Variants in ABLIM3 observed in about 807,000 individuals in gnomAD.
ABLIM3 encodes the protein actin binding LIM protein family member 3.
In ABLIM3, 61 loss-of-function variants were observed where a neutral mutation model predicts 109.5. The ratio of observed to expected loss-of-function variants is 0.56; its 90% CI spans 0.45 to 0.69. The LOEUF is 0.69. ABLIM3 is among the 30% of genes least tolerant of loss of function. ABLIM3 has a pLI of 0.00. For synonymous variants in ABLIM3, 300 were observed against 324.8 expected (o/e 0.92, Z 0.82); for missense variants, 796 against 889.5 (o/e 0.89, Z 1.34).
At chr5:149,219,623 G>C (rs1191143393) in intron 8 of ABLIM3, 1 of 152,172 alleles carries the variant, frequency 6.6e-6, no homozygotes, top group African/African-American at 2.4e-5. Context: ...GGCCCTGCCT[G>C]ATATTCAGGT....
chr5:149,195,689 C>T (rs543757640), intron 3 of ABLIM3, among the ~76,000 whole-genome samples: 36 of 152,310 alleles, frequency 2.4e-4, no homozygotes, highest in East Asian at 1.9e-3. Flanking sequence ...TAATTGATTC[C>T]GCAGCCATGA....
In ABLIM3 at chr5:149,233,164, T is replaced by A. The variant is rs566816460; in HGVS notation, c.817-65T>A. The A allele has an allele frequency of 5.5e-6, 8 of 1,445,830 alleles. No individual in the cohort carries two copies. In the East Asian group the frequency reaches 1.8e-4, roughly 33 times the overall value. 89.6% of individuals were successfully genotyped at this position (1,445,830 alleles called of 1,614,324 possible). A position where few individuals can be genotyped will look rare whatever the true frequency, so the allele number is the denominator to read the frequency against. ...CTAATGTTGCATTCTTAACCCCCTG[T>A]CTCACCCTCCCCACCAAGCTCAGGT... On this transcript the variant is annotated intron_variant, in intron 9 of 23. Coordinates refer to ENST00000309868, the MANE Select transcript of ABLIM3 (RefSeq NM_014945.5).
At chr5:149,147,611 T>C (rs1003575799) in intron 2 of ABLIM3, among the ~76,000 whole-genome samples, 6 of 152,190 alleles carry the variant, frequency 3.9e-5, no homozygotes, top group African/African-American at 1.4e-4. Context: ...TTCAAACCTA[T>C]GTTGTTCAAG....
intron 3 of ABLIM3, among the ~76,000 whole-genome samples, chr5:149,196,137 C>G (rs940668135): frequency 6.6e-6 from 1 of 152,128 alleles, no homozygotes; most frequent in Non-Finnish European, 1.5e-5. Context: ...CTCCCACTGT[C>G]CTGAGCTGTT....
At chr5:149,173,966 G>T (rs1441388888) in intron 2 of ABLIM3, among the ~76,000 whole-genome samples, 1 of 147,190 alleles carries the variant, frequency 6.8e-6, no homozygotes, top group Non-Finnish European at 1.5e-5. Context: ...AGCTTGCAGT[G>T]AGCCGAGATC....
chr5:149,230,694 A>C lies in ABLIM3; in HGVS notation c.803A>C (p.Glu268Ala). 2 of 1,614,076 alleles carry C rather than the reference A, an allele frequency of 1.2e-6. No homozygotes were observed. The highest frequency in any genetic ancestry group is 2.2e-5 in the East Asian group (1 of 44,864). Residue 268 changes from glutamate (E) to alanine (A), a missense_variant, in exon 9 of 24, where the codon GAG (glutamate) becomes GCG (alanine). Glu to Ala is a moderately radical substitution (Grantham distance 107). Coordinates refer to ENST00000309868, the MANE Select transcript of ABLIM3 (RefSeq NM_014945.5). ...HPICKQAARA[E>A]KKLKHRRTSE... ...ATCTGCAAACAGGCAGCCCGGGCAG[A>C]GAAGAAGTTAAAGGTAAGCAAGCTA...
intron 2 of ABLIM3, among the ~76,000 whole-genome samples, chr5:149,151,102 G>A (rs1283749587): frequency 6.6e-6 from 1 of 152,180 alleles, no homozygotes; most frequent in Non-Finnish European, 1.5e-5. Context: ...TAGCTCTGGT[G>A]GCTAAAAGTC....
rs1265890508 is a variant in ABLIM3 at position 149,259,504 on chromosome 5, C to A, written c.*1100C>A. On this transcript the variant is annotated 3_prime_UTR_variant, in exon 24 of 24. Transcript: ENST00000309868. ...GCAGGGCAACCATACCATACCCCCG[C>A]CAGTCCTCGGCTCCTGCTGCAAAGT... The A allele has an allele frequency of 6.5e-7, 1 of 1,536,168 alleles. No homozygotes were observed. Among genetic ancestry groups the A allele is most frequent in the East Asian group, 2.4e-5 (1 of 40,910 alleles).
At chr5:149,159,446 CTGT>C (rs1242588656) in intron 2 of ABLIM3, among the ~76,000 whole-genome samples, 5 of 152,182 alleles carry the variant, frequency 3.3e-5, no homozygotes, top group African/African-American at 1.2e-4. Flanking sequence ...CTTGATTAAA[CTGT>C]TGTGGGCTAT....
chr5:149,252,739 A>AC lies in ABLIM3; in HGVS notation c.1858-12dup. ...ACCACCCTCACCCAAGCTGGAGACC[A>AC]CCCCCCTTTCTCCTTAGATCTACCC... is the stretch of plus-strand genomic sequence containing the variant. On this transcript the variant is annotated splice_polypyrimidine_tract_variant and intron_variant, in intron 22 of 23. Transcript: ENST00000309868. 2 of 1,604,828 alleles carry AC rather than the reference A, an allele frequency of 1.2e-6. No homozygotes were observed. Among genetic ancestry groups the AC allele is most frequent in the South Asian group, 1.1e-5 (1 of 90,704 alleles).
chr5:149,231,824 T>C (rs532984027), intron 9 of ABLIM3, among the ~76,000 whole-genome samples: 1 of 152,310 alleles, frequency 6.6e-6, no homozygotes, highest in African/African-American at 2.4e-5. Flanking sequence ...TTTCTTTACA[T>C]CAAGTCACTA....
At chr5:149,230,790 G>C (rs1761779207) in intron 9 of ABLIM3, 83 bp downstream of exon 9, 1 of 1,506,618 alleles carries the variant, frequency 6.6e-7, no homozygotes, top group African/African-American at 1.4e-5. Context: ...CTTTGGGACA[G>C]GGTCAGCATT....
At chr5:149,194,645 A>G (rs2127491043) in intron 3 of ABLIM3, among the ~76,000 whole-genome samples, 1 of 152,358 alleles carries the variant, frequency 6.6e-6, no homozygotes, top group East Asian at 1.9e-4. Flanking sequence ...ATGAATCTCA[A>G]CACACAATAC....
chr5:149,236,924 A>C (rs1181813205), intron 10 of ABLIM3, among the ~76,000 whole-genome samples: 4 of 152,244 alleles, frequency 2.6e-5, no homozygotes, highest in African/African-American at 9.6e-5. Context: ...CCTGGCTTAT[A>C]ATAAGTACTC....
At chr5:149,223,552 C>A (rs1376527897) in intron 8 of ABLIM3, among the ~76,000 whole-genome samples, 1 of 152,192 alleles carries the variant, frequency 6.6e-6, no homozygotes, top group Non-Finnish European at 1.5e-5. Flanking sequence ...AGCAGCACAG[C>A]TGGGTCGAGG....
intron 3 of ABLIM3, among the ~76,000 whole-genome samples, chr5:149,187,160 G>A (rs1313929540): frequency 6.6e-6 from 1 of 152,174 alleles, no homozygotes; most frequent in Non-Finnish European, 1.5e-5. Context: ...GAGAACATGA[G>A]TGGGAGGACA....
chr5:149,168,479 C>G (rs1383839069), intron 2 of ABLIM3, among the ~76,000 whole-genome samples: 1 of 152,172 alleles, frequency 6.6e-6, no homozygotes, highest in Non-Finnish European at 1.5e-5. Context: ...GCCCATCTGC[C>G]CATCTCTCTG....
chr5:149,237,089 C>A (rs1170593824), intron 10 of ABLIM3, among the ~76,000 whole-genome samples: 1 of 152,168 alleles, frequency 6.6e-6, no homozygotes, highest in Non-Finnish European at 1.5e-5. Flanking sequence ...GAATTCAAAT[C>A]TATTAGCTTA....
At chr5:149,217,277 C>T (rs964829210) in intron 8 of ABLIM3, 1 of 571,724 alleles carries the variant, frequency 1.7e-6, no homozygotes, top group East Asian at 3.0e-5. Context: ...CACCTCCACC[C>T]GCTGCCCAGC....
Sources: gnomAD v4.1 joint callset for allele counts (sites outside exome capture counted in the v4.1 genomes callset) on GRCh38, gnomAD v4.1.1 for gene constraint, MANE v1.5 for transcripts, NCBI Gene and HGNC (gene_info 2026-07-23, HGNC 2026-07-21) for gene names.